ZFAND3: variants seen among roughly 807,000 people sequenced by gnomAD.
The protein encoded by ZFAND3 is zinc finger AN1-type containing 3.
Under a neutral mutation model 29.6 loss-of-function variants are expected in ZFAND3, and 10 were observed. The observed-to-expected ratio is 0.34, with a 90% CI of 0.21 to 0.57. The LOEUF is 0.57. Ranked by LOEUF, ZFAND3 falls within the 20% of genes least tolerant of loss-of-function variation. The pLI is 0.86. For missense variants in ZFAND3, 230 were observed against 304.5 expected (o/e 0.76, Z 1.82); for synonymous variants, 128 against 112.6 (o/e 1.14, Z -0.87).
At chr6:37,937,681 A>G (rs529259194) in intron 2 of ZFAND3, among the ~76,000 whole-genome samples, 73 of 151,954 alleles carry the variant, frequency 4.8e-4, no homozygotes, top group African/African-American at 1.7e-3. Context: ...AAAGGCAAAA[A>G]AAGTAACTGC....
intron 2 of ZFAND3, among the ~76,000 whole-genome samples, chr6:37,962,785 G>T (rs926817425): frequency 2.0e-5 from 3 of 151,962 alleles, no homozygotes; most frequent in Admixed American, 6.5e-5. Context: ...CCCCTTCCAC[G>T]CTGTGGAAGC....
Position 37,889,959 on chromosome 6 carries a change from C to A in ZFAND3, c.72-40000C>A, listed in dbSNP as rs111243981. 3.1e-3 allele frequency among the ~76,000 whole-genome samples: 470 copies of A among 152,264 alleles called. 3 individuals are homozygous for A. The highest frequency in any genetic ancestry group is 0.011 in the African/African-American group (447 of 41,542). On this transcript the variant is annotated intron_variant, in intron 1 of 5. Coordinates refer to ENST00000287218, the MANE Select transcript of ZFAND3 (RefSeq NM_021943.3). ...TTGACATGTTAAGACGTGTTCCATC[C>A]ATCTTCAGGGTACTTCTCATGACAT... is the stretch of plus-strand genomic sequence containing the variant.
intron 1 of ZFAND3, among the ~76,000 whole-genome samples, chr6:37,918,833 G>C (rs1288816307): frequency 6.6e-6 from 1 of 151,774 alleles, no homozygotes; most frequent in Non-Finnish European, 1.5e-5. Flanking sequence ...AATAAGGTCA[G>C]ATAATACCTT....
At chr6:37,960,042 A>G (rs965285330) in intron 2 of ZFAND3, among the ~76,000 whole-genome samples, 2 of 152,240 alleles carry the variant, frequency 1.3e-5, no homozygotes, top group African/African-American at 4.8e-5. Context: ...AAGCATTGAA[A>G]TAGCAACACA....
intron 1 of ZFAND3, among the ~76,000 whole-genome samples, chr6:37,910,959 T>A (rs576189563): frequency 6.0e-4 from 91 of 152,320 alleles, no homozygotes; most frequent in Non-Finnish European, 1.2e-3. Context: ...GGCACTTAGG[T>A]TGATTTCATG....
chr6:38,057,294 T>A (rs1764149531), intron 2 of ZFAND3, among the ~76,000 whole-genome samples: 1 of 152,190 alleles, frequency 6.6e-6, no homozygotes, highest in Non-Finnish European at 1.5e-5. Context: ...CTGTTCCCCT[T>A]CATTTTCAGA....
chr6:38,054,408 A>AC (rs1345734097), intron 2 of ZFAND3, among the ~76,000 whole-genome samples: 1 of 151,300 alleles, frequency 6.6e-6, no homozygotes, highest in Non-Finnish European at 1.5e-5. Flanking sequence ...TAAAAAAAAA[A>AC]AAAAAACAAG....
At chr6:38,093,239 C>T (rs1039387126) in intron 4 of ZFAND3, among the ~76,000 whole-genome samples, 13 of 152,076 alleles carry the variant, frequency 8.5e-5, no homozygotes, top group African/African-American at 3.1e-4. Flanking sequence ...AGAGATAAAT[C>T]TGATTAAGAT....
intron 1 of ZFAND3, among the ~76,000 whole-genome samples, chr6:37,866,352 A>G (rs1319605184): frequency 1.3e-5 from 2 of 152,164 alleles, no homozygotes; most frequent in East Asian, 1.9e-4. Flanking sequence ...TGGTCTATAT[A>G]TAGTTTGCCC....
chr6:37,895,530 G>T (rs1258946981), intron 1 of ZFAND3, among the ~76,000 whole-genome samples: 202 of 27,724 alleles, frequency 7.3e-3, no homozygotes, highest in Admixed American at 0.015. Flanking sequence ...TTTTTTTTTT[G>T]ATTTAGTACA....
chr6:38,056,722 A>G (rs1764140470), intron 2 of ZFAND3, among the ~76,000 whole-genome samples: 1 of 152,250 alleles, frequency 6.6e-6, no homozygotes, highest in South Asian at 2.1e-4. Flanking sequence ...GTGGGTAGCC[A>G]GTCCCTGGGA....
intron 4 of ZFAND3, among the ~76,000 whole-genome samples, chr6:38,091,635 A>C (rs1764873200): frequency 6.6e-6 from 1 of 151,652 alleles, no homozygotes; most frequent in Non-Finnish European, 1.5e-5. Context: ...TAGAACAGCC[A>C]CAAAGCAACA....
At chr6:37,969,939 C>T (rs373691536) in intron 2 of ZFAND3, among the ~76,000 whole-genome samples, 8 of 151,884 alleles carry the variant, frequency 5.3e-5, no homozygotes, top group Admixed American at 5.2e-4. Flanking sequence ...AGTATCAGGC[C>T]GGGCGCCAGT....
rs6901594 is a variant in ZFAND3, at chr6:38,096,415, C to T, written c.361+13958C>T. Among the ~76,000 whole-genome samples, 348 of 152,328 alleles carry T rather than the reference C, an allele frequency of 2.3e-3. 2 individuals are homozygous for T. Among genetic ancestry groups the T allele is most frequent in the African/African-American group, 7.9e-3 (330 of 41,576 alleles). Reference sequence around the variant, plus strand: ...CTCGAACTCCTGACCTTGTGATCCACCCGCCTCAGCCACCCAAAGTGCTGG... The same window carrying T: ...CTCGAACTCCTGACCTTGTGATCCATCCGCCTCAGCCACCCAAAGTGCTGG... On this transcript the variant is annotated intron_variant, in intron 4 of 5. Transcript: ENST00000287218.
intron 1 of ZFAND3, among the ~76,000 whole-genome samples, chr6:37,831,745 A>G (rs1177828273): frequency 6.6e-6 from 1 of 152,182 alleles, no homozygotes; most frequent in Non-Finnish European, 1.5e-5. Flanking sequence ...GGCACAGAGG[A>G]ATGGGAAAGT....
intron 5 of ZFAND3, among the ~76,000 whole-genome samples, chr6:38,120,826 GT>G (rs1348991966): frequency 6.6e-6 from 1 of 152,216 alleles, no homozygotes; most frequent in Admixed American, 6.5e-5. Flanking sequence ...TTCAAAATAA[GT>G]TTTCTCTTCA....
intron 2 of ZFAND3, among the ~76,000 whole-genome samples, chr6:37,974,357 G>GCCTGGCCTGAAA (rs1203659775): frequency 6.6e-6 from 1 of 150,988 alleles, no homozygotes; most frequent in Non-Finnish European, 1.5e-5. Flanking sequence ...GAGCTACCGT[G>GCCTGGCCTGAAA]CCTGGCCTGA....
intron 1 of ZFAND3, among the ~76,000 whole-genome samples, chr6:37,825,492 C>A (rs1056625517): frequency 6.6e-6 from 1 of 152,000 alleles, no homozygotes; most frequent in African/African-American, 2.4e-5. Flanking sequence ...AAACTCGTCC[C>A]TTTGATGTGA....
chr6:37,865,702 C>G lies in ZFAND3; in HGVS notation c.71+45686C>G, dbSNP rs115600483. ...TCAGAGTTAAGTTGTAGACTCAGGA[C>G]ACGAAGGACAGTTGTGTTATAGCGT... On this transcript the variant is annotated intron_variant, in intron 1 of 5. Coordinates refer to ENST00000287218, the MANE Select transcript of ZFAND3 (RefSeq NM_021943.3). 3.1e-3 allele frequency among the ~76,000 whole-genome samples: 468 copies of G among 152,240 alleles called. 2 individuals carry two copies. Among genetic ancestry groups the G allele is most frequent in the African/African-American group, 0.011 (445 of 41,530 alleles).
Sources: gnomAD v4.1 joint callset for allele counts (sites outside exome capture counted in the v4.1 genomes callset) on GRCh38, gnomAD v4.1.1 for gene constraint, MANE v1.5 for transcripts, NCBI Gene and HGNC (gene_info 2026-07-23, HGNC 2026-07-21) for gene names.